Variants in FNTB observed in about 807,000 individuals in gnomAD.
FNTB encodes the protein farnesyltransferase, CAAX box, subunit beta.
In FNTB, 27 loss-of-function variants were observed where a neutral mutation model predicts 59.4. The observed-to-expected ratio is 0.45, with a 90% CI of 0.34 to 0.63. The LOEUF (loss-of-function observed/expected upper bound fraction) is 0.63, where lower values mean the gene tolerates loss of function less well. FNTB is among the 20% of genes least tolerant of loss of function. The probability of loss-of-function intolerance (pLI) is 0.02; values close to 1 mark genes in which losing one functional copy is unlikely to be tolerated. For missense variants in FNTB, 449 were observed against 559.6 expected, an observed-to-expected ratio of 0.80 and a Z score of 1.99; for synonymous variants, 230 against 220.7, an observed-to-expected ratio of 1.04 and a Z score of -0.37.
In FNTB at chr14:65,037,403, C is replaced by CTTT. The variant is rs1555335876; in HGVS notation, c.693-3346_693-3344dup. Among the ~76,000 whole-genome samples the CTTT allele has an allele frequency of 1.2e-3, 35 of 29,644 alleles. 2 individuals are homozygous for CTTT. Among genetic ancestry groups the CTTT allele is most frequent in the Admixed American group, 2.1e-3 (5 of 2,366 alleles). 19.4% of individuals were successfully genotyped at this position (29,644 alleles called of 152,430 possible). A position where few individuals can be genotyped will look rare whatever the true frequency, so the allele number is the denominator to read the frequency against. On this transcript the variant is annotated intron_variant, in intron 7 of 11. Transcript: ENST00000246166. ...TAGGCGTGAGCCACCACGCCGGGCC[C>CTTT]TTTTTTTTTTTTTTTTTTTTTTTTT...
intron 1 of FNTB, among the ~76,000 whole-genome samples, chr14:64,996,123 C>CAAAAAAAA (rs60137057): frequency 4.8e-5 from 4 of 82,554 alleles, no homozygotes; most frequent in South Asian, 4.1e-4. Flanking sequence ...AACTCTGTCT[C>CAAAAAAAA]AAAAAAAAAA....
chr14:65,010,538 G>A (rs1256689248), intron 2 of FNTB, among the ~76,000 whole-genome samples: 1 of 152,178 alleles, frequency 6.6e-6, no homozygotes, highest in Non-Finnish European at 1.5e-5. Flanking sequence ...CAGCTCCTCA[G>A]AGCTTCTAAC....
intron 1 of FNTB, among the ~76,000 whole-genome samples, chr14:64,996,985 T>A (rs1043078527): frequency 2.3e-4 from 35 of 152,182 alleles, no homozygotes; most frequent in African/African-American, 6.5e-4. Flanking sequence ...AAAATTCACA[T>A]AAATTGTCAC....
At chr14:65,019,988 T>G (rs1015442262) in intron 4 of FNTB, among the ~76,000 whole-genome samples, 2 of 152,216 alleles carry the variant, frequency 1.3e-5, no homozygotes, top group Non-Finnish European at 2.9e-5. Flanking sequence ...TACAAATATA[T>G]TAAGGTGACC....
chr14:64,993,246 G>C (rs1888272148), intron 1 of FNTB, among the ~76,000 whole-genome samples: 2 of 152,058 alleles, frequency 1.3e-5, no homozygotes, highest in South Asian at 4.1e-4. Context: ...TGGGCAACAG[G>C]GTGAGACTCC....
rs370773454 is a variant in FNTB at position 65,029,092 on chromosome 14, C to T, written c.605+1311C>T. ...TTCTCCAGTAAGGCAGCTTGGTTCCCCTGCCAAGCACTGTAGCCATATTCT... is the reference window on the plus strand; with the variant it reads ...TTCTCCAGTAAGGCAGCTTGGTTCCTCTGCCAAGCACTGTAGCCATATTCT... On this transcript the variant is annotated intron_variant, in intron 6 of 11. Coordinates refer to ENST00000246166, the MANE Select transcript of FNTB (RefSeq NM_002028.4). The surrounding 1 kb of genome is among the most constrained non-coding windows in gnomAD (Gnocchi z 4.7). Among the ~76,000 whole-genome samples, 321 of 152,242 alleles carry T rather than the reference C, an allele frequency of 2.1e-3. 1 individual carries two copies. The highest frequency in any genetic ancestry group is 7.3e-3 in the African/African-American group (304 of 41,538).
chr14:65,004,052 G>T (rs2061546461), intron 1 of FNTB, among the ~76,000 whole-genome samples, 197 bp from the exon 2 acceptor site: 1 of 152,280 alleles, frequency 6.6e-6, no homozygotes, highest in South Asian at 2.1e-4. Context: ...CCATTGTGAT[G>T]CCAGCATGGT....
intron 1 of FNTB, among the ~76,000 whole-genome samples, chr14:64,996,200 C>CAGCACTTT (rs562919471): frequency 1.4e-3 from 218 of 152,064 alleles, no homozygotes; most frequent in African/African-American, 5.0e-3. Flanking sequence ...CCCGTGATCC[C>CAGCACTTT]AGCACTTTGG....
chr14:65,021,804 C>G (rs1238607744), intron 4 of FNTB, among the ~76,000 whole-genome samples: 5 of 152,176 alleles, frequency 3.3e-5, no homozygotes, highest in African/African-American at 1.2e-4. Context: ...TGCCACTATG[C>G]CTGGCTAATT....
At chr14:65,004,687 C>T (rs536104303) in intron 2 of FNTB, among the ~76,000 whole-genome samples, 2 of 151,302 alleles carry the variant, frequency 1.3e-5, no homozygotes, top group Admixed American at 6.6e-5. Context: ...TTTGAGACAG[C>T]GTTTCGCTCT....
At chr14:64,989,896 C>G (rs1888123605) in intron 1 of FNTB, among the ~76,000 whole-genome samples, 2 of 151,950 alleles carry the variant, frequency 1.3e-5, no homozygotes, top group Non-Finnish European at 2.9e-5. Flanking sequence ...AGAGTAACAC[C>G]TTGGGATAGA....
At chr14:65,039,732 G>A (rs1392423473) in intron 7 of FNTB, among the ~76,000 whole-genome samples, 1 of 152,158 alleles carries the variant, frequency 6.6e-6, no homozygotes, top group African/African-American at 2.4e-5. Context: ...AGGTTTATTT[G>A]GCTCATGGTT....
Position 65,027,535 on chromosome 14 carries a change from A to C in FNTB, c.457A>C (p.Thr153Pro). 6.2e-7 allele frequency: 1 copy of C among 1,614,214 alleles called. No homozygotes were observed. Among genetic ancestry groups the C allele is most frequent in the South Asian group, 1.1e-5 (1 of 91,088 alleles). Residue 153 changes from threonine to proline, a missense_variant, in exon 5 of 12, where the codon ACA becomes CCA. Transcript: ENST00000246166. The surrounding 1 kb of genome is among the most constrained non-coding windows in gnomAD (Gnocchi z 5.7). ...GPGQYPHLAP[T>P]YAAVNALCII... ...CGGTCAGTATCCACACCTTGCACCC[A>C]CATATGCAGCAGTCAATGCATTGTG...
intron 2 of FNTB, among the ~76,000 whole-genome samples, chr14:65,005,449 TTTTCTTTCTTTCTTTCTTTCTTTCTTTC>T (rs71123898): frequency 5.8e-5 from 7 of 119,814 alleles, no homozygotes; most frequent in Non-Finnish European, 1.0e-4. Context: ...TCTTCCTTTC[TTTTCTTTCTTTCTTTCTTTCTTTCTTTC>T]TTTCTTTCTT....
chr14:65,003,913 G>T, intron 1 of FNTB: 1 of 169,568 alleles, frequency 5.9e-6, no homozygotes, highest in Non-Finnish European at 1.3e-5. Context: ...ATATTTTGGG[G>T]TGGCATATGC....
intron 4 of FNTB, chr14:65,022,192 G>A (rs896584884): frequency 2.5e-6 from 1 of 397,334 alleles, no homozygotes; most frequent in Non-Finnish European, 5.1e-6. Flanking sequence ...TTGATGTGAT[G>A]CCAGCTCATG....
chr14:65,037,694 G>A (rs1192881002), intron 7 of FNTB, among the ~76,000 whole-genome samples: 1 of 147,538 alleles, frequency 6.8e-6, no homozygotes, highest in Admixed American at 6.8e-5. Context: ...CCAAGTGCTG[G>A]GATTACAGGT....
intron 11 of FNTB, among the ~76,000 whole-genome samples, chr14:65,056,646 A>G (rs528890802): frequency 6.6e-6 from 1 of 152,292 alleles, no homozygotes; most frequent in African/African-American, 2.4e-5. Context: ...CTGCCAGTTC[A>G]TATTCTGTGC....
chr14:65,021,583 G>A (rs940995014), intron 4 of FNTB, among the ~76,000 whole-genome samples: 2 of 152,060 alleles, frequency 1.3e-5, no homozygotes, highest in Non-Finnish European at 2.9e-5. Flanking sequence ...TCTACAGGAC[G>A]GTCCCTGCAC....
Sources: allele counts gnomAD v4.1 joint callset (sites outside exome capture counted in the v4.1 genomes callset), GRCh38; gene constraint gnomAD v4.1.1; non-coding constraint Gnocchi (gnomAD v3.1); transcripts MANE v1.5; gene names NCBI Gene and HGNC (gene_info 2026-07-23, HGNC 2026-07-21).